The following AIFM2 variants were observed in gnomAD, a reference collection of about 807,000 sequenced individuals.
AIFM2 encodes the protein ferroptosis suppressor protein 1.
Under a neutral mutation model 35.7 loss-of-function variants are expected in AIFM2, and 38 were observed. The ratio of observed to expected loss-of-function variants is 1.06; its 90% CI spans 0.82 to 1.39. The LOEUF is 1.39. Ranked by LOEUF, AIFM2 falls within the 40% of genes most tolerant of loss-of-function variation. The pLI is 0.00. For missense variants in AIFM2, 476 were observed against 491.2 expected (o/e 0.97, Z 0.29); for synonymous variants, 185 against 203.5 (o/e 0.91, Z 0.77).
Position 70,123,891 on chromosome 10 carries a change from G to T in AIFM2, c.178+16C>A. ...GACCCCCCTCACAGAGACAGCCCCAGACGGGAGCACATTACCTGTCTCCAC... is the reference window on the plus strand; with the variant it reads ...GACCCCCCTCACAGAGACAGCCCCATACGGGAGCACATTACCTGTCTCCAC... On this transcript the variant is annotated intron_variant, in intron 2 of 8. Coordinates refer to ENST00000307864, the MANE Select transcript of AIFM2 (RefSeq NM_032797.6). The T allele has an allele frequency of 1.3e-6, 2 of 1,545,146 alleles. No homozygotes were observed. Among genetic ancestry groups the T allele is most frequent in the South Asian group, 2.4e-5 (2 of 82,258 alleles).
chr10:70,117,813 C>A lies in AIFM2; in HGVS notation c.615G>T (p.Leu205=). 1 of 1,604,756 alleles carries A rather than the reference C, an allele frequency of 6.2e-7. No homozygotes were observed. Reference sequence around the variant, plus strand: ...GGAGGGAGGTGAGGGTGCACGTACTCAGCAGCAGCTGCACGCCCTTCCGGA... The same window carrying A: ...GGAGGGAGGTGAGGGTGCACGTACTAAGCAGCAGCTGCACGCCCTTCCGGA... ...ILLRKGVQLL[L]SERVSNLEEL... Residue 205 remains leucine, a splice_region_variant and synonymous_variant, in exon 6 of 9, where the codon CTG becomes CTT. Coordinates refer to ENST00000307864, the MANE Select transcript of AIFM2 (RefSeq NM_032797.6). The surrounding 1 kb of genome is among the most constrained non-coding windows in gnomAD (Gnocchi z 4.7).
intron 5 of AIFM2, among the ~76,000 whole-genome samples, chr10:70,120,182 TG>T (rs1371476247): frequency 6.6e-6 from 1 of 152,258 alleles, no homozygotes; most frequent in Non-Finnish European, 1.5e-5. Flanking sequence ...CACAAAGGCC[TG>T]AATTCTGAAG....
At chr10:70,119,655 G>A (rs1469702383) in intron 5 of AIFM2, among the ~76,000 whole-genome samples, 1 of 152,204 alleles carries the variant, frequency 6.6e-6, no homozygotes, top group Non-Finnish European at 1.5e-5. Flanking sequence ...CAATTTGTCA[G>A]AGAACAGCCA....
At chr10:70,122,057 A>C (rs192876177) in intron 3 of AIFM2, among the ~76,000 whole-genome samples, 2 of 152,228 alleles carry the variant, frequency 1.3e-5, no homozygotes, top group Non-Finnish European at 2.9e-5. Flanking sequence ...ATGCCATTGC[A>C]CTCCAGCCTG....
chr10:70,123,612 A>C, intron 2 of AIFM2, 92 bp from the exon 3 acceptor site: 1 of 1,184,320 alleles, frequency 8.4e-7, no homozygotes, highest in Non-Finnish European at 1.2e-6. Context: ...GCTGCAAACC[A>C]ACAGGGGTGC....
Position 70,117,820 on chromosome 10 carries a change from A to T in AIFM2, c.608T>A (p.Leu203Gln). 6.2e-7 allele frequency: 1 copy of T among 1,604,432 alleles called. No individual in the cohort carries two copies. Among genetic ancestry groups the T allele is most frequent in the Non-Finnish European group, 8.5e-7 (1 of 1,176,182 alleles). The change falls in exon 6 of 9, where the codon CTG becomes CAG. Residue 203 changes from leucine (L) to glutamine (Q), a missense_variant. Transcript: ENST00000307864. The surrounding 1 kb of genome is among the most constrained non-coding windows in gnomAD (Gnocchi z 4.7). ...KEILLRKGVQ[L>Q]LLSERVSNLE... is the part of the protein sequence containing the mutation. ...GGTGAGGGTGCACGTACTCAGCAGC[A>T]GCTGCACGCCCTTCCGGAGGAGGAT...
intron 7 of AIFM2, 113 bp from the exon 8 acceptor site, chr10:70,115,233 C>T: frequency 8.6e-7 from 1 of 1,166,888 alleles, no homozygotes; most frequent in South Asian, 1.4e-5. Flanking sequence ...GGTCAGGTCA[C>T]CCTCCTGAGG....
In AIFM2 at chr10:70,124,065, A is replaced by C. The variant is rs2072539902; in HGVS notation, c.20T>G (p.Val7Gly). 6.4e-7 allele frequency: 1 copy of C among 1,568,626 alleles called. No individual in the cohort carries two copies. The stretch of plus-strand genomic sequence containing the variant: ...CACCACGTGCAGAGCTCCCGATTCC[A>C]CCGAGACCTGGGACCCCATCTCAAA... MGSQVSVESGALHVVIV... is the reference protein window; with the variant it reads MGSQVSGESGALHVVIV... The change falls in exon 2 of 9, where the codon GTG becomes GGG. Residue 7 changes from valine to glycine, a missense_variant. Val to Gly is a moderately radical substitution (Grantham distance 109). Transcript: ENST00000307864.
chr10:70,114,226 G>C lies in AIFM2; in HGVS notation c.1074C>G (p.Asp358Glu), dbSNP rs1285184074. ...TTTTCCAGCTCGTAGAGACGAACAGGTCCCGGCTCTTGGTCAGCCGAACCA... is the reference window on the plus strand; with the variant it reads ...TTTTCCAGCTCGTAGAGACGAACAGCTCCCGGCTCTTGGTCAGCCGAACCA... ...RLMVRLTKSRDLFVSTSWKTM... is the reference protein window; with the variant it reads ...RLMVRLTKSRELFVSTSWKTM... The change falls in exon 9 of 9, where the codon GAC becomes GAG. Residue 358 changes from aspartate (D) to glutamate (E), a missense_variant. Transcript: ENST00000307864. 4 of 1,613,878 alleles carry C rather than the reference G, an allele frequency of 2.5e-6. No homozygotes were observed. The highest frequency in any genetic ancestry group is 3.4e-6 in the Non-Finnish European group (4 of 1,179,996).
rs915249440 is a variant in AIFM2, at chr10:70,117,188, A to G, written c.617-414T>C. Among the ~76,000 whole-genome samples, 2 of 152,218 alleles carry G rather than the reference A, an allele frequency of 1.3e-5. No homozygotes were observed. Among genetic ancestry groups the G allele is most frequent in the African/African-American group, 4.8e-5 (2 of 41,464 alleles). Reference sequence around the variant, plus strand: ...AGCCAGCTCGCTACACTCACTGCCTAAAGTGACAGTGACGGCAGCACTCCA... The same window carrying G: ...AGCCAGCTCGCTACACTCACTGCCTGAAGTGACAGTGACGGCAGCACTCCA... On this transcript the variant is annotated intron_variant, in intron 6 of 8. Transcript: ENST00000307864. The surrounding 1 kb of genome is among the most constrained non-coding windows in gnomAD (Gnocchi z 4.7).
intron 1 of AIFM2, among the ~76,000 whole-genome samples, chr10:70,129,989 G>T (rs2072611078): frequency 6.6e-6 from 1 of 152,008 alleles, no homozygotes; most frequent in Non-Finnish European, 1.5e-5. Flanking sequence ...TTCCAGACCA[G>T]CCTGGGCAAT....
At chr10:70,124,946 C>T (rs1260573195) in intron 1 of AIFM2, among the ~76,000 whole-genome samples, 3 of 152,116 alleles carry the variant, frequency 2.0e-5, no homozygotes, top group Non-Finnish European at 4.4e-5. Context: ...GGGGCCTAAT[C>T]GGAGGTGTTT....
chr10:70,114,868 T>C (rs932213862), intron 8 of AIFM2, 52 bp downstream of exon 8: 1 of 1,590,744 alleles, frequency 6.3e-7, no homozygotes, highest in Non-Finnish European at 8.6e-7. Flanking sequence ...GGCTTCCCCA[T>C]GTTTAACCCC....
rs886274912 is a variant in AIFM2 at position 70,117,562 on chromosome 10, G to A, written c.616+250C>T. Among the ~76,000 whole-genome samples the A allele has an allele frequency of 2.0e-5, 3 of 152,184 alleles. No individual in the cohort carries two copies. The highest frequency in any genetic ancestry group is 7.2e-5 in the African/African-American group (3 of 41,428). On this transcript the variant is annotated intron_variant, in intron 6 of 8. Transcript: ENST00000307864. This position sits in a 1 kb window ranked among gnomAD's most constrained non-coding sequence, Gnocchi z 4.7. ...CATCCAAAGCAATAACCAGGACATG[G>A]AAATCCCGTAAGTACCAGGCCCTCT...
intron 7 of AIFM2, 69 bp downstream of exon 7, chr10:70,116,553 C>G: frequency 6.3e-7 from 1 of 1,594,378 alleles, no homozygotes; most frequent in Non-Finnish European, 8.6e-7. Flanking sequence ...GGGGCAAGCA[C>G]TGCAGGGCAT....
Position 70,131,948 on chromosome 10 carries a change from A to T in AIFM2, c.-14+786T>A, listed in dbSNP as rs1029775804. Among the ~76,000 whole-genome samples the T allele has an allele frequency of 1.1e-4, 16 of 152,056 alleles. No individual in the cohort carries two copies. Among genetic ancestry groups the T allele is most frequent in the Non-Finnish European group, 2.4e-4 (16 of 68,014 alleles). ...AAACCTGCAAGTCCCATCCCAAACT[A>T]TATCTGACTCTCTGCCCTATGCCTG... is the stretch of plus-strand genomic sequence containing the variant. On this transcript the variant is annotated intron_variant, in intron 1 of 8. Transcript: ENST00000307864. This position sits in a 1 kb window ranked among gnomAD's most constrained non-coding sequence, Gnocchi z 4.1.
chr10:70,121,122 A>G lies in AIFM2; in HGVS notation c.384T>C (p.Ala128=). 1 of 1,582,038 alleles carries G rather than the reference A, an allele frequency of 6.3e-7. No individual in the cohort carries two copies. The highest frequency in any genetic ancestry group is 8.6e-7 in the Non-Finnish European group (1 of 1,160,550). Residue 128 remains alanine (A), a synonymous_variant, in exon 4 of 9, where the codon GCT becomes GCC. Coordinates refer to ENST00000307864, the MANE Select transcript of AIFM2 (RefSeq NM_032797.6). ...TCACCATGTCCTCATAGGCCTGGAT[A>G]GCGGCCTGCTGGCTGGAAACCTCAT... ...KFNEVSSQQA[A]IQAYEDMVRQ...
intron 7 of AIFM2, among the ~76,000 whole-genome samples, 174 bp from the exon 8 acceptor site, chr10:70,115,294 T>C (rs2072423890): frequency 6.6e-6 from 1 of 152,144 alleles, no homozygotes; most frequent in Non-Finnish European, 1.5e-5. Context: ...TCCCACCTAA[T>C]GTATTCCCCC....
In AIFM2 at chr10:70,121,198, G is replaced by A. The variant is rs770604125; in HGVS notation, c.308C>T (p.Ser103Phe). 4.7e-6 allele frequency: 3 copies of A among 637,568 alleles called. No individual in the cohort carries two copies. Among genetic ancestry groups the A allele is most frequent in the Non-Finnish European group, 8.0e-6 (3 of 377,006 alleles). 39.5% of individuals were successfully genotyped at this position (637,568 alleles called of 1,614,324 possible). The change falls in exon 4 of 9, where the codon TCT becomes TTT. Residue 103 changes from serine to phenylalanine, a missense_variant. By Grantham distance (155) the Ser-to-Phe change is radical. Coordinates refer to ENST00000307864, the MANE Select transcript of AIFM2 (RefSeq NM_032797.6). Reference protein sequence around the residue: ...LLQGGEALPFSHLILATGSTG... With the variant: ...LLQGGEALPFFHLILATGSTG... ...GCTGCCCGTGGCCAGGATAAGATGA[G>A]AGAAGGGCAGGGCCTGAGAGAAACC...
Sources: allele counts gnomAD v4.1 joint callset (sites outside exome capture counted in the v4.1 genomes callset), GRCh38; gene constraint gnomAD v4.1.1; non-coding constraint Gnocchi (gnomAD v3.1); transcripts MANE v1.5; gene names NCBI Gene and HGNC (gene_info 2026-07-23, HGNC 2026-07-21).